CD2AP: variants seen among roughly 807,000 people sequenced by gnomAD.
CD2AP encodes the protein CD2-associated protein.
Under a neutral mutation model 85.1 loss-of-function variants are expected in CD2AP, and 46 were observed. The observed-to-expected ratio is 0.54, with a 90% CI of 0.43 to 0.69. CD2AP has a LOEUF of 0.69. Ranked by LOEUF, CD2AP falls within the 30% of genes least tolerant of loss-of-function variation. CD2AP has a pLI of 0.00. For synonymous variants in CD2AP, 255 were observed against 252.9 expected (o/e 1.01, Z -0.08); for missense variants, 769 against 729.5 (o/e 1.05, Z -0.62).
intron 3 of CD2AP, among the ~76,000 whole-genome samples, chr6:47,541,725 G>A (rs932969270): frequency 3.3e-5 from 5 of 152,154 alleles, no homozygotes; most frequent in Non-Finnish European, 5.9e-5. Flanking sequence ...TTCTAGTTCC[G>A]CATTGTAATT....
intron 13 of CD2AP, among the ~76,000 whole-genome samples, chr6:47,601,525 T>C (rs1394327170): frequency 6.6e-6 from 1 of 151,982 alleles, no homozygotes; most frequent in Non-Finnish European, 1.5e-5. Context: ...ATATCCTCAG[T>C]CGTGTTTTAG....
At chr6:47,594,636 A>G (rs1768891215) in intron 11 of CD2AP, among the ~76,000 whole-genome samples, 1 of 151,934 alleles carries the variant, frequency 6.6e-6, no homozygotes, top group South Asian at 2.1e-4. Context: ...ATTGATTTCA[A>G]TTGGAGAGTT....
chr6:47,605,967 G>T (rs1273557194), intron 13 of CD2AP, among the ~76,000 whole-genome samples, 198 bp from the exon 14 acceptor site: 1 of 146,576 alleles, frequency 6.8e-6, no homozygotes, highest in African/African-American at 2.4e-5. Context: ...AATGTATCAG[G>T]TAAAGAGGAT....
chr6:47,580,956 A>G (rs1008969380), intron 10 of CD2AP, 56 bp downstream of exon 10: 36 of 1,242,064 alleles, frequency 2.9e-5, no homozygotes, highest in Non-Finnish European at 5.9e-6. Context: ...AAATTCTAAA[A>G]TGGTAAAATT....
At chr6:47,484,032 T>A (rs1765507997) in intron 1 of CD2AP, among the ~76,000 whole-genome samples, 1 of 152,228 alleles carries the variant, frequency 6.6e-6, no homozygotes, top group South Asian at 2.1e-4. Flanking sequence ...GGTGGTTGGC[T>A]AGTTATTAGA....
At position 47,575,178 on chromosome 6, in the gene CD2AP, T is replaced by C. The variant is rs1279496638; in HGVS notation, c.729+927T>C. Among the ~76,000 whole-genome samples the C allele has an allele frequency of 4.6e-5, 7 of 152,140 alleles. No homozygotes were observed. The South Asian group carries it at 8.3e-4, about 18-fold the overall frequency. Reference sequence around the variant, plus strand: ...CTGAGACTATCTGGCATTAGGATTGTGGGGTCAAATTGATTCTTGGTTTTA... The same window carrying C: ...CTGAGACTATCTGGCATTAGGATTGCGGGGTCAAATTGATTCTTGGTTTTA... On this transcript the variant is annotated intron_variant, in intron 6 of 17. Transcript: ENST00000359314.
At chr6:47,624,050 A>G in intron 17 of CD2AP, 136 bp from the exon 18 acceptor site, 1 of 719,428 alleles carries the variant, frequency 1.4e-6, no homozygotes, top group Non-Finnish European at 2.4e-6. Flanking sequence ...AAATTATAGC[A>G]TGGGAAACTG....
intron 11 of CD2AP, among the ~76,000 whole-genome samples, chr6:47,585,316 G>A (rs1768595524): frequency 6.6e-6 from 1 of 150,906 alleles, no homozygotes; most frequent in African/African-American, 2.4e-5. Context: ...AAAAAAAAAA[G>A]GAAGGTGATG....
chr6:47,503,573 T>C (rs143960701), intron 2 of CD2AP, 133 bp downstream of exon 2: 13 of 775,604 alleles, frequency 1.7e-5, no homozygotes, highest in Non-Finnish European at 2.6e-5. Context: ...GAAAATAGAG[T>C]CCAGGTACCT....
At position 47,624,183 on chromosome 6, in the gene CD2AP, T is replaced by C. The variant is rs1769837961; in HGVS notation, c.1879-3T>C. On this transcript the variant is annotated splice_region_variant and splice_polypyrimidine_tract_variant and intron_variant, in intron 17 of 17. Coordinates refer to ENST00000359314, the MANE Select transcript of CD2AP (RefSeq NM_012120.3). Reference sequence around the variant, plus strand: ...TTTGCTCAATTTATGTTTTTTGTTTTAGATGGAAATAGAGAAGCTGAAAAA... The same window carrying C: ...TTTGCTCAATTTATGTTTTTTGTTTCAGATGGAAATAGAGAAGCTGAAAAA... 1.2e-6 allele frequency: 2 copies of C among 1,607,428 alleles called. No individual in the cohort carries two copies. Among genetic ancestry groups the C allele is most frequent in the East Asian group, 4.5e-5 (2 of 44,730 alleles).
At chr6:47,570,489 C>T (rs931631772) in intron 5 of CD2AP, among the ~76,000 whole-genome samples, 1 of 152,038 alleles carries the variant, frequency 6.6e-6, no homozygotes, top group African/African-American at 2.4e-5. Context: ...ATGGCACCTC[C>T]TGCATGCCCT....
chr6:47,611,449 T>TTA (rs1769438114), intron 16 of CD2AP, among the ~76,000 whole-genome samples: 3 of 151,888 alleles, frequency 2.0e-5, no homozygotes, highest in Admixed American at 2.0e-4. Flanking sequence ...ATATTTTATT[T>TTA]CTTTACTTGG....
rs1768546347 is a variant in CD2AP at position 47,583,751 on chromosome 6, T to C, written c.1108+1686T>C. ...ATGTGTGTAGGTCTTTGTGTGGACA[T>C]ATTTTCTATTCATTTGGGTAAATAC... On this transcript the variant is annotated intron_variant, in intron 11 of 17. Transcript: ENST00000359314. Among the ~76,000 whole-genome samples, 4 of 151,928 alleles carry C rather than the reference T, an allele frequency of 2.6e-5. No individual in the cohort carries two copies. The South Asian group carries it at 8.3e-4, about 32-fold the overall frequency.
intron 1 of CD2AP, among the ~76,000 whole-genome samples, chr6:47,501,190 C>G (rs1365732905): frequency 6.6e-6 from 1 of 152,124 alleles, no homozygotes; most frequent in African/African-American, 2.4e-5. Context: ...AGTTTGAGAG[C>G]AGGCTGAGTA....
At chr6:47,497,340 C>T (rs1001341823) in intron 1 of CD2AP, among the ~76,000 whole-genome samples, 13 of 136,642 alleles carry the variant, frequency 9.5e-5, no homozygotes, top group Non-Finnish European at 2.1e-4. Flanking sequence ...CCTTTCCCTT[C>T]CCTTCCCTCC....
intron 5 of CD2AP, among the ~76,000 whole-genome samples, chr6:47,556,965 T>G (rs1462197513): frequency 1.3e-5 from 2 of 152,188 alleles, no homozygotes; most frequent in African/African-American, 4.8e-5. Flanking sequence ...TTCCCATTTC[T>G]CCACATCCTC....
intron 4 of CD2AP, among the ~76,000 whole-genome samples, chr6:47,550,233 T>A (rs1767476068): frequency 1.3e-5 from 2 of 152,080 alleles, no homozygotes; most frequent in African/African-American, 4.8e-5. Context: ...TAAAGAGCTT[T>A]TGTATGGCAA....
intron 4 of CD2AP, among the ~76,000 whole-genome samples, chr6:47,549,972 T>C (rs924311498): frequency 6.6e-6 from 1 of 152,162 alleles, no homozygotes; most frequent in Admixed American, 6.5e-5. Context: ...GGACATCCTT[T>C]TCAACAAATG....
At chr6:47,612,639 A>G (rs1356300969) in intron 17 of CD2AP, 103 bp downstream of exon 17, 1 of 766,946 alleles carries the variant, frequency 1.3e-6, no homozygotes, top group African/African-American at 1.7e-5. Context: ...ATGCTATACT[A>G]CTTCAGTTGG....
Sources: gnomAD v4.1 joint callset for allele counts (sites outside exome capture counted in the v4.1 genomes callset) on GRCh38, gnomAD v4.1.1 for gene constraint, MANE v1.5 for transcripts, NCBI Gene and HGNC (gene_info 2026-07-23, HGNC 2026-07-21) for gene names.